Variants in DPYSL3 observed in about 807,000 individuals in gnomAD.
DPYSL3 encodes the protein dihydropyrimidinase-related protein 3.
DPYSL3 carries 16 observed loss-of-function variants against 66.1 expected under a neutral mutation model. The ratio of observed to expected loss-of-function variants is 0.24; its 90% confidence interval spans 0.16 to 0.37. DPYSL3 has a LOEUF of 0.37. Ranked by LOEUF, DPYSL3 falls within the 10% of genes least tolerant of loss-of-function variation. The probability of loss-of-function intolerance (pLI) is 1.00; values close to 1 mark genes in which losing one functional copy is unlikely to be tolerated. For missense variants in DPYSL3, 738 were observed against 916.2 expected (o/e 0.81, Z 2.51); for synonymous variants, 338 against 345.1 (o/e 0.98, Z 0.23).
intron 1 of DPYSL3, among the ~76,000 whole-genome samples, chr5:147,461,200 G>T (rs1199340362): frequency 1.3e-5 from 2 of 152,264 alleles, no homozygotes; most frequent in African/African-American, 4.8e-5. Flanking sequence ...TACAGTAAAG[G>T]AATAAGCAAC....
intron 5 of DPYSL3, 52 bp downstream of exon 5, chr5:147,413,544 C>T: frequency 1.4e-6 from 2 of 1,444,952 alleles, no homozygotes; most frequent in Non-Finnish European, 9.7e-7. Context: ...TCATCAACAA[C>T]AATAGGAAAC....
At chr5:147,415,324 G>C (rs59676350) in intron 4 of DPYSL3, among the ~76,000 whole-genome samples, 3 of 152,028 alleles carry the variant, frequency 2.0e-5, no homozygotes, top group Admixed American at 6.5e-5. Context: ...TAATCTCATA[G>C]GTCATACTAG....
chr5:147,400,852 T>C lies in DPYSL3; in HGVS notation c.1311-19A>G. ...ATCCCCGCTGGCAAAGGAGAAAAGC[T>C]CCACATGAACAGGGGAGATGGCTGG... is the stretch of plus-strand genomic sequence containing the variant. On this transcript the variant is annotated intron_variant, in intron 9 of 13. Coordinates refer to ENST00000343218, the MANE Select transcript of DPYSL3 (RefSeq NM_001197294.2). The C allele has an allele frequency of 6.2e-7, 1 of 1,611,728 alleles. No individual in the cohort carries two copies. The highest frequency in any genetic ancestry group is 1.3e-5 in the African/African-American group (1 of 75,018).
Position 147,412,705 on chromosome 5 carries a change from T to C in DPYSL3, c.883-17A>G. 6.2e-7 allele frequency: 1 copy of C among 1,600,380 alleles called. No homozygotes were observed. Among genetic ancestry groups the C allele is most frequent in the Non-Finnish European group, 8.5e-7 (1 of 1,171,984 alleles). ...CTCATAGAGCTGAAATAGAAATGAG[T>C]CTTTGTCACTCTTGCAAGCACTTTT... On this transcript the variant is annotated splice_polypyrimidine_tract_variant and intron_variant, in intron 5 of 13. Transcript: ENST00000343218.
At chr5:147,456,010 T>A (rs1033958946) in intron 1 of DPYSL3, among the ~76,000 whole-genome samples, 25 of 152,168 alleles carry the variant, frequency 1.6e-4, no homozygotes. Flanking sequence ...TGAATGGCAA[T>A]TGCAATGTGT....
intron 1 of DPYSL3, among the ~76,000 whole-genome samples, chr5:147,508,917 C>A (rs1753717821): frequency 6.6e-6 from 1 of 152,070 alleles, no homozygotes; most frequent in African/African-American, 2.4e-5. Flanking sequence ...GAGAGAGATT[C>A]GCGTGTTTAG....
chr5:147,395,294 C>T (rs57146235), intron 13 of DPYSL3, among the ~76,000 whole-genome samples: 31,238 of 152,168 alleles, frequency 0.21, 3,487 homozygotes, highest in East Asian at 0.36. Flanking sequence ...GACCCTGCCC[C>T]CAACCAGGGC....
chr5:147,445,565 A>G (rs1752615257), intron 1 of DPYSL3, among the ~76,000 whole-genome samples: 1 of 152,192 alleles, frequency 6.6e-6, no homozygotes, highest in Non-Finnish European at 1.5e-5. Context: ...ATTCAGTGGT[A>G]ACAAAACAAA....
chr5:147,431,185 G>A (rs1475673621), intron 1 of DPYSL3, among the ~76,000 whole-genome samples: 2 of 152,138 alleles, frequency 1.3e-5, no homozygotes, highest in Non-Finnish European at 1.5e-5. Context: ...CCCCAAAGCA[G>A]CATCAGTTCA....
At chr5:147,443,770 G>A (rs1020160738) in intron 1 of DPYSL3, among the ~76,000 whole-genome samples, 1 of 152,086 alleles carries the variant, frequency 6.6e-6, no homozygotes, top group Non-Finnish European at 1.5e-5. Context: ...TTAAATTCAC[G>A]TTAGGAAGAA....
chr5:147,445,972 A>G (rs1581198580), intron 1 of DPYSL3, among the ~76,000 whole-genome samples: 1 of 152,310 alleles, frequency 6.6e-6, no homozygotes, highest in South Asian at 2.1e-4. Context: ...AATGAGAAAA[A>G]GACTGGGATT....
At chr5:147,493,154 T>G (rs1298220147) in intron 1 of DPYSL3, among the ~76,000 whole-genome samples, 1 of 152,174 alleles carries the variant, frequency 6.6e-6, no homozygotes, top group African/African-American at 2.4e-5. Flanking sequence ...ATAACAACCC[T>G]CAATGTGTAT....
At position 147,400,761 on chromosome 5, in the gene DPYSL3, G is replaced by A. The variant is rs1208060302; in HGVS notation, c.1383C>T (p.Asn461=). Residue 461 remains asparagine, a synonymous_variant, in exon 10 of 14, where the codon AAC becomes AAT. Coordinates refer to ENST00000343218, the MANE Select transcript of DPYSL3 (RefSeq NM_001197294.2). ...STAQKAIGKD[N]FTAIPEGTNG... ...TGGTGCCCTCAGGAATGGCTGTGAA[G>A]TTGTCCTTCCCAATTGCTTTCTGGG... 6.2e-7 allele frequency: 1 copy of A among 1,614,210 alleles called. No individual in the cohort carries two copies. The highest frequency in any genetic ancestry group is 1.1e-5 in the South Asian group (1 of 91,068).
At chr5:147,464,926 T>C (rs1045706029) in intron 1 of DPYSL3, among the ~76,000 whole-genome samples, 16 of 152,182 alleles carry the variant, frequency 1.1e-4, no homozygotes, top group African/African-American at 3.6e-4. Context: ...AGGTCAGCTG[T>C]GGTGGCTCAT....
chr5:147,399,179 T>C lies in DPYSL3; in HGVS notation c.1526A>G (p.Tyr509Cys). The C allele has an allele frequency of 6.2e-7, 1 of 1,614,226 alleles. No individual in the cohort carries two copies. Among genetic ancestry groups the C allele is most frequent in the Admixed American group, 1.7e-5 (1 of 60,034 alleles). The change falls in exon 11 of 14, where the codon TAT becomes TGT. Residue 509 changes from tyrosine to cysteine, a missense_variant. Coordinates refer to ENST00000343218, the MANE Select transcript of DPYSL3 (RefSeq NM_001197294.2). ...CACAGATATTCTTCCCTTGCGGGGATACAGGTTGAAGATCTTGGCAGCGTT... is the reference window on the plus strand; with the variant it reads ...CACAGATATTCTTCCCTTGCGGGGACACAGGTTGAAGATCTTGGCAGCGTT... ...STNAAKIFNL[Y>C]PRKGRISVGS...
At chr5:147,474,117 G>A (rs1753122627) in intron 1 of DPYSL3, among the ~76,000 whole-genome samples, 1 of 152,014 alleles carries the variant, frequency 6.6e-6, no homozygotes, top group Admixed American at 6.6e-5. Flanking sequence ...TCTATAAAAT[G>A]GGGATGAATA....
intron 1 of DPYSL3, 56 bp from the exon 2 acceptor site, chr5:147,425,019 G>A: frequency 1.4e-6 from 2 of 1,401,260 alleles, no homozygotes; most frequent in Non-Finnish European, 1.0e-6. Flanking sequence ...AGAGAAGAGT[G>A]ATCTGCCAAG....
intron 1 of DPYSL3, among the ~76,000 whole-genome samples, chr5:147,426,289 T>A (rs1290974961): frequency 6.6e-6 from 1 of 151,702 alleles, no homozygotes; most frequent in Non-Finnish European, 1.5e-5. Context: ...AGCCTGGAGG[T>A]AGGACTAAGT....
Position 147,424,931 on chromosome 5 carries a change from G to T in DPYSL3, c.414C>A (p.Ile138=). The change falls in exon 2 of 14, where the codon ATC becomes ATA. Residue 138 remains isoleucine, a synonymous_variant. Coordinates refer to ENST00000343218, the MANE Select transcript of DPYSL3 (RefSeq NM_001197294.2). ...SDRLLIKGGR[I]VNDDQSFYAD... is the part of the protein sequence containing the mutation. Reference sequence around the variant, plus strand: ...CATAAAAGGACTGATCATCATTGACGATTCTGCCTCCCTTGATAAGGAGAC... The same window carrying T: ...CATAAAAGGACTGATCATCATTGACTATTCTGCCTCCCTTGATAAGGAGAC... 1.2e-6 allele frequency: 2 copies of T among 1,613,022 alleles called. No individual in the cohort carries two copies. Among genetic ancestry groups the T allele is most frequent in the Non-Finnish European group, 1.7e-6 (2 of 1,179,430 alleles).
Sources: allele counts gnomAD v4.1 joint callset (sites outside exome capture counted in the v4.1 genomes callset), GRCh38; gene constraint gnomAD v4.1.1; transcripts MANE v1.5; gene names NCBI Gene and HGNC (gene_info 2026-07-23, HGNC 2026-07-21).